BCAS4: variants seen among roughly 807,000 people sequenced by gnomAD.
The protein encoded by BCAS4 is breast carcinoma amplified sequence 4.
Under a neutral mutation model 15.7 loss-of-function variants are expected in BCAS4, and 9 were observed. The ratio of observed to expected loss-of-function variants is 0.57; its 90% confidence interval spans 0.34 to 1.00. The LOEUF (loss-of-function observed/expected upper bound fraction) is 1.00. Among genes scored for constraint, BCAS4 ranks in the 50% least tolerant of loss-of-function variants. The probability of loss-of-function intolerance (pLI) is 0.02; values close to 1 mark genes in which losing one functional copy is unlikely to be tolerated. For synonymous variants in BCAS4, 101 were observed against 99.5 expected (o/e 1.02, Z -0.09); for missense variants, 225 against 239.1 (o/e 0.94, Z 0.39).
Position 50,851,818 on chromosome 20 carries a change from C to A in BCAS4, c.399+9918C>A, listed in dbSNP as rs1185517230. The stretch of plus-strand genomic sequence containing the variant: ...GTTCAAAGCCCCAGTCACACGGTCC[C>A]ACCCCTGGGAAGCCGCCTGGGTTCC... On this transcript the variant is annotated intron_variant, in intron 4 of 4. Coordinates refer to ENST00000371608, the MANE Select transcript of BCAS4 (RefSeq NM_198799.4). This position sits in a 1 kb window ranked among gnomAD's most constrained non-coding sequence, Gnocchi z 4.3. Among the ~76,000 whole-genome samples, 1 of 152,244 alleles carries A rather than the reference C, an allele frequency of 6.6e-6. No individual in the cohort carries two copies. Among genetic ancestry groups the A allele is most frequent in the Non-Finnish European group, 1.5e-5 (1 of 68,042 alleles).
At chr20:50,798,525 TA>T (rs982709701) in intron 1 of BCAS4, among the ~76,000 whole-genome samples, 1 of 151,868 alleles carries the variant, frequency 6.6e-6, no homozygotes, top group Non-Finnish European at 1.5e-5. Context: ...AATAAAAAAA[TA>T]AAAATAAAAA....
intron 4 of BCAS4, among the ~76,000 whole-genome samples, chr20:50,869,940 A>T (rs1387175940): frequency 6.6e-6 from 1 of 151,692 alleles, no homozygotes; most frequent in Non-Finnish European, 1.5e-5. Context: ...GTAGAGATGG[A>T]ATTTCACCAT....
chr20:50,838,571 G>A (rs986692141), intron 3 of BCAS4, among the ~76,000 whole-genome samples: 2 of 152,088 alleles, frequency 1.3e-5, no homozygotes, highest in South Asian at 2.1e-4. Context: ...TAGAACGGGT[G>A]TAGTGCCTCA....
chr20:50,808,916 C>T (rs1457734642), intron 1 of BCAS4, among the ~76,000 whole-genome samples: 2 of 152,158 alleles, frequency 1.3e-5, no homozygotes, highest in African/African-American at 4.8e-5. Flanking sequence ...CTAAGCCAAT[C>T]TCTAGAAGCG....
intron 4 of BCAS4, among the ~76,000 whole-genome samples, chr20:50,853,775 GA>G (rs1480293693): frequency 1.0e-3 from 120 of 120,308 alleles, no homozygotes; most frequent in African/African-American, 2.0e-3. Flanking sequence ...TTGTGTACTG[GA>G]GGGTGTTTTG....
chr20:50,820,740 G>A (rs543367602), intron 2 of BCAS4, among the ~76,000 whole-genome samples: 1 of 152,274 alleles, frequency 6.6e-6, no homozygotes, highest in Admixed American at 6.5e-5. Context: ...GGTGGGAAGT[G>A]TGTGTGTCTG....
At position 50,848,057 on chromosome 20, in the gene BCAS4, C is replaced by A. The variant is rs548552599; in HGVS notation, c.399+6157C>A. 1.3e-4 allele frequency among the ~76,000 whole-genome samples: 19 copies of A among 149,628 alleles called. 1 individual carries two copies. In the South Asian group the frequency reaches 3.0e-3, roughly 23 times the overall value. On this transcript the variant is annotated intron_variant, in intron 4 of 4. Coordinates refer to ENST00000371608, the MANE Select transcript of BCAS4 (RefSeq NM_198799.4). Reference sequence around the variant, plus strand: ...CTGTCTCAAACAATAGCAACAACAACAAAAAAAAACAGAAAATTCAGTTAG... The same window carrying A: ...CTGTCTCAAACAATAGCAACAACAAAAAAAAAAAACAGAAAATTCAGTTAG...
intron 1 of BCAS4, among the ~76,000 whole-genome samples, chr20:50,799,844 C>T (rs535145112): frequency 2.0e-5 from 3 of 152,074 alleles, no homozygotes; most frequent in Non-Finnish European, 4.4e-5. Flanking sequence ...TCCTTTGTAC[C>T]CAGGAGTTCG....
chr20:50,822,179 TC>T (rs1414977514), intron 2 of BCAS4, among the ~76,000 whole-genome samples: 2 of 152,112 alleles, frequency 1.3e-5, no homozygotes, highest in Non-Finnish European at 2.9e-5. Context: ...GTGCACGCTC[TC>T]CACGTGGCTG....
At chr20:50,867,025 T>C (rs897467225) in intron 4 of BCAS4, among the ~76,000 whole-genome samples, 1 of 152,152 alleles carries the variant, frequency 6.6e-6, no homozygotes, top group Non-Finnish European at 1.5e-5. Flanking sequence ...ACTGATCTGT[T>C]TCTTCTGTTG....
chr20:50,795,202 A>G (rs1400764748), intron 1 of BCAS4, 29 bp downstream of exon 1: 2 of 1,354,486 alleles, frequency 1.5e-6, no homozygotes, highest in South Asian at 3.2e-5. Flanking sequence ...GAGTTGGAGG[A>G]GAGGGTTCTC....
At chr20:50,865,909 C>A (rs921474829) in intron 4 of BCAS4, among the ~76,000 whole-genome samples, 1 of 152,090 alleles carries the variant, frequency 6.6e-6, no homozygotes, top group South Asian at 2.1e-4. Context: ...AGACTCAGGG[C>A]CCTGGAGCAG....
chr20:50,818,426 G>A, intron 2 of BCAS4, 144 bp downstream of exon 2: 1 of 708,026 alleles, frequency 1.4e-6, no homozygotes, highest in Admixed American at 2.5e-5. Flanking sequence ...AAAGCCACGT[G>A]CAAACACTCC....
chr20:50,864,299 G>C (rs1044091582), intron 4 of BCAS4, among the ~76,000 whole-genome samples: 17 of 152,128 alleles, frequency 1.1e-4, no homozygotes, highest in Admixed American at 7.9e-4. Context: ...CGGGGAGTGA[G>C]TTCCTAAACC....
At chr20:50,863,274 T>TA (rs1979185126) in intron 4 of BCAS4, among the ~76,000 whole-genome samples, 1 of 146,918 alleles carries the variant, frequency 6.8e-6, no homozygotes, top group African/African-American at 2.5e-5. Context: ...TTTTTTTTTT[T>TA]TGAGACGGAG....
At chr20:50,811,494 AC>A (rs751623262) in intron 1 of BCAS4, among the ~76,000 whole-genome samples, 13 of 152,068 alleles carry the variant, frequency 8.5e-5, no homozygotes, top group Non-Finnish European at 1.8e-4. Flanking sequence ...CATTTCTATG[AC>A]CCAAAAAAGA....
At chr20:50,805,116 T>C (rs558043218) in intron 1 of BCAS4, among the ~76,000 whole-genome samples, 2 of 152,194 alleles carry the variant, frequency 1.3e-5, no homozygotes, top group Non-Finnish European at 2.9e-5. Flanking sequence ...TGCATACATA[T>C]AATTCACCTG....
Position 50,795,188 on chromosome 20 carries a change from T to A in BCAS4, c.90+15T>A. 1 of 1,344,980 alleles carries A rather than the reference T, an allele frequency of 7.4e-7. No homozygotes were observed. The highest frequency in any genetic ancestry group is 2.1e-4 in the Middle Eastern group (1 of 4,722). The allele number at this position is 1,344,980 out of a possible 1,614,324, so 83.3% of individuals were successfully genotyped here. ...CTGGGGCCGAGGTAGGGGACGGGGC[T>A]GTGGAGTTGGAGGAGAGGGTTCTCG... On this transcript the variant is annotated intron_variant, in intron 1 of 4. Transcript: ENST00000371608.
rs530592297 is a variant in BCAS4 at position 50,822,789 on chromosome 20, G to A, written c.162+4507G>A. Among the ~76,000 whole-genome samples the A allele has an allele frequency of 1.4e-4, 21 of 151,822 alleles. No homozygotes were observed. The South Asian group carries it at 4.4e-3, about 32-fold the overall frequency. ...TTACAGGTGCCCACCACCACGCCTG[G>A]CTAATTTTTGTATTTTTAGTAGAGA... On this transcript the variant is annotated intron_variant, in intron 2 of 4. Transcript: ENST00000371608.
Sources: gnomAD v4.1 joint callset for allele counts (sites outside exome capture counted in the v4.1 genomes callset) on GRCh38, gnomAD v4.1.1 for gene constraint, Gnocchi (gnomAD v3.1) non-coding constraint, MANE v1.5 for transcripts, NCBI Gene and HGNC (gene_info 2026-07-23, HGNC 2026-07-21) for gene names.